NRXN1: variants seen among roughly 807,000 people sequenced by gnomAD.
NRXN1 encodes neurexin-1.
NRXN1 carries 39 observed loss-of-function variants against 150.9 expected under a neutral mutation model. The ratio of observed to expected loss-of-function variants is 0.26; its 90% CI spans 0.20 to 0.34. The LOEUF is 0.34. NRXN1 is among the 10% of genes least tolerant of loss of function. The pLI, the probability that NRXN1 is intolerant of heterozygous loss-of-function variation, is 1.00. For synonymous variants in NRXN1, 924 were observed against 757.0 expected, an observed-to-expected ratio of 1.22 and a Z score of -3.62; for missense variants, 1,815 against 1,949.9, an observed-to-expected ratio of 0.93 and a Z score of 1.30.
chr2:50,106,124 T>A (rs930316718), intron 18 of NRXN1, among the ~76,000 whole-genome samples: 7 of 152,022 alleles, frequency 4.6e-5, no homozygotes, highest in African/African-American at 7.2e-5. Flanking sequence ...TCCATGTATA[T>A]TTCAAGTTTT....
intron 17 of NRXN1, among the ~76,000 whole-genome samples, chr2:50,254,231 G>A (rs902274510): frequency 6.6e-6 from 1 of 151,266 alleles, no homozygotes; most frequent in African/African-American, 2.4e-5. Context: ...TCTGATGGTT[G>A]GTTGTATTTC....
rs181843635 is a variant in NRXN1 at position 50,652,043 on chromosome 2, C to T, written c.833-28428G>A. Among the ~76,000 whole-genome samples the T allele has an allele frequency of 2.3e-4, 35 of 152,172 alleles. 1 individual carries two copies. Among genetic ancestry groups the T allele is most frequent in the Admixed American group, 1.8e-3 (28 of 15,276 alleles). On this transcript the variant is annotated intron_variant, in intron 5 of 22. Coordinates refer to ENST00000401669, the MANE Select transcript of NRXN1 (RefSeq NM_001330078.2). The stretch of plus-strand genomic sequence containing the variant: ...TGCAGACACTTGCAGGCTGGGCTAG[C>T]AGCAGAACAGCTTCTTCCCTGGTAA...
chr2:50,086,271 G>C (rs779560338), intron 19 of NRXN1, among the ~76,000 whole-genome samples: 2 of 152,042 alleles, frequency 1.3e-5, no homozygotes, highest in Non-Finnish European at 2.9e-5. Flanking sequence ...CTGATGACTT[G>C]AATTAAAAAT....
At chr2:50,002,870 T>C (rs1684171451) in intron 21 of NRXN1, among the ~76,000 whole-genome samples, 1 of 152,012 alleles carries the variant, frequency 6.6e-6, no homozygotes, top group Non-Finnish European at 1.5e-5. Context: ...GAACAATAAA[T>C]GAAAATAAAG....
intron 17 of NRXN1, among the ~76,000 whole-genome samples, chr2:50,264,761 G>A (rs898918345): frequency 1.3e-5 from 2 of 151,990 alleles, no homozygotes; most frequent in African/African-American, 4.8e-5. Context: ...GAAGAACATT[G>A]TGGAAACATT....
chr2:50,225,088 C>T (rs999381868), intron 18 of NRXN1, among the ~76,000 whole-genome samples: 3 of 151,904 alleles, frequency 2.0e-5, no homozygotes, highest in Non-Finnish European at 2.9e-5. Context: ...GTCCTCAGGC[C>T]TCTGACTTTT....
intron 17 of NRXN1, among the ~76,000 whole-genome samples, chr2:50,288,397 G>A (rs537574316): frequency 2.0e-5 from 3 of 152,200 alleles, no homozygotes; most frequent in Admixed American, 2.0e-4. Context: ...CAAAATGTCA[G>A]TAATGCCACA....
chr2:50,946,166 T>A (rs1690352911), intron 2 of NRXN1, among the ~76,000 whole-genome samples: 1 of 151,972 alleles, frequency 6.6e-6, no homozygotes, highest in African/African-American at 2.4e-5. Flanking sequence ...CAAGGTACAC[T>A]AGTCATGAGA....
chr2:50,550,447 C>A (rs1409484707), intron 9 of NRXN1, among the ~76,000 whole-genome samples: 1 of 151,938 alleles, frequency 6.6e-6, no homozygotes, highest in Non-Finnish European at 1.5e-5. Context: ...AAATTTTATT[C>A]TAGATCTATC....
chr2:50,006,899 A>G (rs1396397385), intron 21 of NRXN1, among the ~76,000 whole-genome samples: 1 of 152,190 alleles, frequency 6.6e-6, no homozygotes, highest in East Asian at 1.9e-4. Flanking sequence ...AGAACGATTT[A>G]GCAATGAAAC....
At chr2:50,004,832 G>A (rs1048428103) in intron 21 of NRXN1, among the ~76,000 whole-genome samples, 8 of 152,058 alleles carry the variant, frequency 5.3e-5, no homozygotes, top group South Asian at 2.1e-4. Flanking sequence ...CTTGCTACAC[G>A]CATCTAGTTA....
At chr2:50,633,351 A>AG (rs1308700417) in intron 5 of NRXN1, among the ~76,000 whole-genome samples, 1 of 152,116 alleles carries the variant, frequency 6.6e-6, no homozygotes, top group Non-Finnish European at 1.5e-5. Flanking sequence ...AAGAAAAAAA[A>AG]CTAAAATTAT....
At chr2:50,961,768 T>C (rs1441101955) in intron 2 of NRXN1, among the ~76,000 whole-genome samples, 1 of 151,682 alleles carries the variant, frequency 6.6e-6, no homozygotes, top group Non-Finnish European at 1.5e-5. Flanking sequence ...GACACAGCAT[T>C]TGTGATGTTG....
chr2:51,006,065 C>T (rs970778086), intron 2 of NRXN1, among the ~76,000 whole-genome samples: 3 of 151,602 alleles, frequency 2.0e-5, no homozygotes, highest in African/African-American at 4.8e-5. Flanking sequence ...TTGGATTTCT[C>T]GGTATGATAG....
intron 21 of NRXN1, among the ~76,000 whole-genome samples, chr2:50,010,425 T>A (rs2152544435): frequency 6.6e-6 from 1 of 152,240 alleles, no homozygotes; most frequent in Admixed American, 6.5e-5. Flanking sequence ...CCAAGTCAGA[T>A]CTGATGAAAA....
intron 17 of NRXN1, among the ~76,000 whole-genome samples, chr2:50,271,624 G>A (rs1191314626): frequency 6.6e-6 from 1 of 152,068 alleles, no homozygotes. Flanking sequence ...TCACTGTCTT[G>A]CAAAAATGTA....
chr2:50,331,493 G>GTTC (rs2076833757), intron 17 of NRXN1, among the ~76,000 whole-genome samples: 1 of 152,096 alleles, frequency 6.6e-6, no homozygotes, highest in South Asian at 2.1e-4. Flanking sequence ...ATCTAGGGAT[G>GTTC]TTCTATTCCA....
intron 18 of NRXN1, among the ~76,000 whole-genome samples, chr2:50,180,551 C>A (rs553920983): frequency 6.6e-6 from 1 of 152,230 alleles, no homozygotes; most frequent in East Asian, 1.9e-4. Flanking sequence ...TGGATTAACA[C>A]TGCAATATAA....
At chr2:50,467,511 A>T (rs1343886616) in intron 16 of NRXN1, among the ~76,000 whole-genome samples, 1 of 151,596 alleles carries the variant, frequency 6.6e-6, no homozygotes, top group Non-Finnish European at 1.5e-5. Flanking sequence ...GATTTTGAAA[A>T]TGGCTTCTAA....
Sources: allele counts gnomAD v4.1 joint callset (sites outside exome capture counted in the v4.1 genomes callset), GRCh38; gene constraint gnomAD v4.1.1; transcripts MANE v1.5; gene names NCBI Gene and HGNC (gene_info 2026-07-23, HGNC 2026-07-21).